The following ADCY10 variants were observed in gnomAD, a reference collection of about 807,000 sequenced individuals.
The protein encoded by ADCY10 is adenylate cyclase 10, also known as adenylate cyclase type 10.
A neutral mutation model predicts 183.3 loss-of-function variants in ADCY10; 156 were observed. The ratio of observed to expected loss-of-function variants is 0.85; its 90% CI spans 0.75 to 0.97. The LOEUF (loss-of-function observed/expected upper bound fraction) is 0.97. Among genes scored for constraint, ADCY10 ranks in the 50% least tolerant of loss-of-function variants. The probability of loss-of-function intolerance (pLI) is 0.00; values close to 1 mark genes in which losing one functional copy is unlikely to be tolerated. For missense variants in ADCY10, 1,745 were observed against 1,934.3 expected, an observed-to-expected ratio of 0.90 and a Z score of 1.84; for synonymous variants, 645 against 670.0, an observed-to-expected ratio of 0.96 and a Z score of 0.58.
intron 14 of ADCY10, among the ~76,000 whole-genome samples, chr1:167,862,198 A>G (rs901381968): frequency 6.6e-6 from 1 of 152,212 alleles, no homozygotes; most frequent in Non-Finnish European, 1.5e-5. Context: ...ACATGTCCCC[A>G]CAATTCATAT....
At chr1:167,825,109 A>G (rs1157437929) in intron 26 of ADCY10, among the ~76,000 whole-genome samples, 14 of 152,236 alleles carry the variant, frequency 9.2e-5, no homozygotes, top group African/African-American at 3.4e-4. Flanking sequence ...AATTTCTGTG[A>G]AAAATAAAAG....
At chr1:167,884,390 C>A (rs181160319) in intron 8 of ADCY10, among the ~76,000 whole-genome samples, 1 of 152,226 alleles carries the variant, frequency 6.6e-6, no homozygotes, top group East Asian at 1.9e-4. Context: ...TTCACTATCA[C>A]GAGAACAGCA....
At chr1:167,832,951 A>G (rs1403996498) in intron 25 of ADCY10, 36 bp downstream of exon 25, 1 of 1,606,692 alleles carries the variant, frequency 6.2e-7, no homozygotes, top group Admixed American at 1.7e-5. Flanking sequence ...GGGGAGTGAG[A>G]CTAAACAGTC....
At chr1:167,855,902 C>G (rs1665852587) in intron 17 of ADCY10, among the ~76,000 whole-genome samples, 1 of 152,076 alleles carries the variant, frequency 6.6e-6, no homozygotes, top group Non-Finnish European at 1.5e-5. Flanking sequence ...ACTCAGAAAG[C>G]TGAGGCAGGA....
At position 167,878,603 on chromosome 1, in the gene ADCY10, T is replaced by A. The variant is rs200050560; in HGVS notation, c.1249A>T (p.Met417Leu). The A allele has an allele frequency of 3.1e-6, 5 of 1,614,042 alleles. No homozygotes were observed. The African/African-American group carries it at 6.7e-5, about 22-fold the overall frequency. The change falls in exon 12 of 33, where the codon ATG becomes TTG. Residue 417 changes from methionine to leucine, a missense_variant. Physicochemically the swap from Met to Leu is conservative, Grantham distance 15. Coordinates refer to ENST00000367851, the MANE Select transcript of ADCY10 (RefSeq NM_018417.6). ...ACAATTCCTGGGTAGTACATCATCA[T>A]CCTGGCAGCTAAGTTGACTTTTTGA... ...IGQKVNLAAR[M>L]MMYYPGIVTC...
At chr1:167,820,089 T>A in intron 30 of ADCY10, 8 of 1,574,562 alleles carry the variant, frequency 5.1e-6, no homozygotes, top group Non-Finnish European at 6.9e-6. Context: ...AATTTGGCTA[T>A]GGTTGTCCTG....
rs572239973 is a variant in ADCY10 at position 167,891,730 on chromosome 1, A to G, written c.828+2123T>C. ...CCAATCATCATCCCTGAATTTTGTT[A>G]ATTAAATACATAGCAAATCAATGGG... On this transcript the variant is annotated intron_variant, in intron 8 of 32. Coordinates refer to ENST00000367851, the MANE Select transcript of ADCY10 (RefSeq NM_018417.6). Among the ~76,000 whole-genome samples, 3 of 151,912 alleles carry G rather than the reference A, an allele frequency of 2.0e-5. No homozygotes were observed. In the South Asian group the frequency reaches 6.2e-4, roughly 32 times the overall value.
At chr1:167,866,325 A>T (rs942125087) in intron 14 of ADCY10, among the ~76,000 whole-genome samples, 10 of 152,202 alleles carry the variant, frequency 6.6e-5, no homozygotes, top group African/African-American at 2.4e-4. Flanking sequence ...CCCACGAGGA[A>T]TACCAGATCA....
chr1:167,878,731 T>G (rs1667669821), intron 11 of ADCY10, 96 bp from the exon 12 acceptor site: 2 of 1,251,290 alleles, frequency 1.6e-6, no homozygotes, highest in Non-Finnish European at 2.3e-6. Context: ...TTTTTACCCT[T>G]TACTCCCTTT....
rs1662069676 is a variant in ADCY10 at position 167,809,552 on chromosome 1, G to A, written c.*126C>T. On this transcript the variant is annotated 3_prime_UTR_variant, in exon 33 of 33. Coordinates refer to ENST00000367851, the MANE Select transcript of ADCY10 (RefSeq NM_018417.6). ...CTCCAGAAAGAGAAGAAATCAACAT[G>A]TCTGTTTCTGTGTCTGGAACAGAAG... is the stretch of plus-strand genomic sequence containing the variant. The A allele has an allele frequency of 9.6e-7, 1 of 1,039,732 alleles. No individual in the cohort carries two copies. The highest frequency in any genetic ancestry group is 1.6e-5 in the African/African-American group (1 of 62,920). The allele number at this position is 1,039,732 out of a possible 1,614,324, so 64.4% of individuals were successfully genotyped here.
rs557735972 is a variant in ADCY10 at position 167,858,484 on chromosome 1, C to T, written c.1896+1323G>A. Among the ~76,000 whole-genome samples the T allele has an allele frequency of 1.4e-4, 16 of 112,886 alleles. 1 individual carries two copies. In the Admixed American group the frequency reaches 1.5e-3, roughly 10 times the overall value. 74.1% of individuals were successfully genotyped at this position (112,886 alleles called of 152,430 possible). A position where few individuals can be genotyped will look rare whatever the true frequency, so the allele number is the denominator to read the frequency against. On this transcript the variant is annotated intron_variant, in intron 16 of 32. Coordinates refer to ENST00000367851, the MANE Select transcript of ADCY10 (RefSeq NM_018417.6). The stretch of plus-strand genomic sequence containing the variant: ...TTGCACTCCAGCCTGGGCGACAGAG[C>T]GAGACTCTGTCTCAAAAAAAAAAAA...
intron 2 of ADCY10, chr1:167,904,773 A>G (rs1386869826): frequency 4.7e-6 from 3 of 635,548 alleles, no homozygotes; most frequent in Non-Finnish European, 8.3e-6. Flanking sequence ...TGAGCATGTT[A>G]AAGATATGCC....
intron 30 of ADCY10, among the ~76,000 whole-genome samples, chr1:167,818,961 G>A (rs1662700812): frequency 6.6e-6 from 1 of 152,104 alleles, no homozygotes; most frequent in African/African-American, 2.4e-5. Context: ...TCAAAATGTA[G>A]TCCACAGACT....
chr1:167,903,522 C>T (rs965905458), intron 3 of ADCY10, among the ~76,000 whole-genome samples: 1 of 152,086 alleles, frequency 6.6e-6, no homozygotes, highest in Non-Finnish European at 1.5e-5. Flanking sequence ...CAAGATTGTG[C>T]CACTGCACTC....
At chr1:167,872,417 A>G (rs1307973057) in intron 13 of ADCY10, among the ~76,000 whole-genome samples, 2 of 151,344 alleles carry the variant, frequency 1.3e-5, no homozygotes, top group African/African-American at 4.9e-5. Flanking sequence ...CCTGTGTTCT[A>G]TTCATACAGA....
At chr1:167,893,770 G>T (rs926672773) in intron 8 of ADCY10, 83 bp downstream of exon 8, 15 of 741,754 alleles carry the variant, frequency 2.0e-5, no homozygotes, top group East Asian at 6.4e-5. Context: ...AGTAGCTGCT[G>T]TTTTTTTTTT....
chr1:167,840,646 G>A (rs115326174), intron 21 of ADCY10, among the ~76,000 whole-genome samples: 1,723 of 152,046 alleles, frequency 0.011, 24 homozygotes, highest in African/African-American at 0.039. Flanking sequence ...ATGAGCAACC[G>A]TGCCCAACCA....
intron 25 of ADCY10, among the ~76,000 whole-genome samples, chr1:167,830,682 C>A (rs1443052363): frequency 6.6e-6 from 1 of 152,174 alleles, no homozygotes; most frequent in Non-Finnish European, 1.5e-5. Context: ...GCGTGAGCCA[C>A]TGCGCCTGGC....
chr1:167,869,287 G>T (rs1232094144), intron 14 of ADCY10, among the ~76,000 whole-genome samples: 1 of 152,074 alleles, frequency 6.6e-6, no homozygotes, highest in Non-Finnish European at 1.5e-5. Flanking sequence ...AAGCTTCATT[G>T]CTACCTTAGT....
Sources: gnomAD v4.1 joint callset for allele counts (sites outside exome capture counted in the v4.1 genomes callset) on GRCh38, gnomAD v4.1.1 for gene constraint, MANE v1.5 for transcripts, NCBI Gene and HGNC (gene_info 2026-07-23, HGNC 2026-07-21) for gene names.